Variants in UTS2B observed in about 807,000 individuals in gnomAD.
UTS2B encodes urotensin-2B.
UTS2B carries 21 observed loss-of-function variants against 19.2 expected under a neutral mutation model. The ratio of observed to expected loss-of-function variants is 1.09; its 90% confidence interval spans 0.78 to 1.58. The LOEUF (loss-of-function observed/expected upper bound fraction) is 1.58. UTS2B is among the 40% of genes most tolerant of loss of function. The pLI, the probability that UTS2B is intolerant of heterozygous loss-of-function variation, is 0.00. For synonymous variants in UTS2B, 57 were observed against 50.2 expected (o/e 1.14, Z -0.58); for missense variants, 138 against 130.3 (o/e 1.06, Z -0.29).
chr3:191,298,204 C>A (rs1406507674), intron 4 of UTS2B, among the ~76,000 whole-genome samples: 5 of 151,694 alleles, frequency 3.3e-5, no homozygotes, highest in African/African-American at 2.4e-5. Context: ...CCCACAATAA[C>A]CTTGTGAAAA....
rs1419854293 is a variant in UTS2B at position 191,292,864 on chromosome 3, T to C, written c.-124-10551A>G. 2.6e-5 allele frequency among the ~76,000 whole-genome samples: 4 copies of C among 152,278 alleles called. No homozygotes were observed. In the East Asian group the frequency reaches 7.7e-4, roughly 29 times the overall value. ...TTTGTTGAGTGTTTTTATTATGAAATGCTATTACATTTTGTCAAATGCCTT... is the reference window on the plus strand; with the variant it reads ...TTTGTTGAGTGTTTTTATTATGAAACGCTATTACATTTTGTCAAATGCCTT... On this transcript the variant is annotated intron_variant, in intron 4 of 8. Transcript: ENST00000340524.
the UTS2B span, among the ~76,000 whole-genome samples, chr3:191,343,576 A>C: frequency 6.6e-6 from 1 of 152,236 alleles, no homozygotes; most frequent in African/African-American, 2.4e-5. Context: ...TATGATTTTA[A>C]GAGTAATTAG....
upstream of UTS2B, among the ~76,000 whole-genome samples, chr3:191,332,630 G>A (rs926786917): frequency 6.6e-6 from 1 of 152,196 alleles, no homozygotes; most frequent in African/African-American, 2.4e-5. Context: ...GAACAGGCAT[G>A]TTTCAACAAT....
chr3:191,332,819 A>G (rs1014443542), upstream of UTS2B, among the ~76,000 whole-genome samples: 1 of 152,220 alleles, frequency 6.6e-6, no homozygotes, highest in Non-Finnish European at 1.5e-5. Context: ...CTGTATCGGT[A>G]AATGAATTGT....
chr3:191,342,835 T>G, the UTS2B span, among the ~76,000 whole-genome samples: 1 of 152,240 alleles, frequency 6.6e-6, no homozygotes, highest in Non-Finnish European at 1.5e-5. Context: ...AAAAATTGTC[T>G]ACTACTGCTT....
At chr3:191,316,753 T>C (rs926183071) in intron 2 of UTS2B, among the ~76,000 whole-genome samples, 1 of 152,182 alleles carries the variant, frequency 6.6e-6, no homozygotes, top group Non-Finnish European at 1.5e-5. Flanking sequence ...CACTGATCGG[T>C]GCTTTTACAA....
intron 2 of UTS2B, among the ~76,000 whole-genome samples, chr3:191,321,232 A>G (rs1188218924): frequency 6.6e-6 from 1 of 152,186 alleles, no homozygotes; most frequent in Non-Finnish European, 1.5e-5. Flanking sequence ...TTTTATGTAC[A>G]GTACAGTGGC....
intron 5 of UTS2B, 35 bp downstream of exon 5, chr3:191,282,052 C>T (rs879843838): frequency 2.8e-6 from 4 of 1,417,092 alleles, no homozygotes; most frequent in South Asian, 2.4e-5. Context: ...GAATTACTTA[C>T]CCACCTGTAG....
chr3:191,318,826 T>C (rs1269660824), intron 2 of UTS2B, among the ~76,000 whole-genome samples: 1 of 152,198 alleles, frequency 6.6e-6, no homozygotes, highest in Non-Finnish European at 1.5e-5. Context: ...GTTTTTGTTT[T>C]TGTTTTTTGT....
At chr3:191,312,145 C>G (rs1439680992) in intron 3 of UTS2B, among the ~76,000 whole-genome samples, 1 of 144,892 alleles carries the variant, frequency 6.9e-6, no homozygotes, top group Non-Finnish European at 1.5e-5. Flanking sequence ...GAGCAAGATT[C>G]TGTCTCAAAA....
the UTS2B span, among the ~76,000 whole-genome samples, chr3:191,340,750 G>A: frequency 6.6e-6 from 1 of 152,188 alleles, no homozygotes; most frequent in Non-Finnish European, 1.5e-5. Flanking sequence ...CCCTCAGGCG[G>A]ACATATGAGG....
Position 191,267,318 on chromosome 3 carries a change from A to G in UTS2B, c.*1098T>C, listed in dbSNP as rs540004353. 12 of 152,382 alleles carry G rather than the reference A, an allele frequency of 7.9e-5. No individual in the cohort carries two copies. The highest frequency in any genetic ancestry group is 2.6e-4 in the African/African-American group (11 of 41,592). The allele number at this position is 152,382 out of a possible 1,614,324, so 9.4% of individuals were successfully genotyped here. A position where few individuals can be genotyped will look rare whatever the true frequency, so the allele number is the denominator to read the frequency against. On this transcript the variant is annotated 3_prime_UTR_variant, in exon 9 of 9. Coordinates refer to ENST00000340524, the MANE Select transcript of UTS2B (RefSeq NM_198152.5). ...ACCATTTTGATAGTGACATACCTTC[A>G]AAAGTGCAACTGATTAGTGATTATT... is the stretch of plus-strand genomic sequence containing the variant.
chr3:191,330,994 G>C (rs1206311626), upstream of UTS2B, among the ~76,000 whole-genome samples: 1 of 152,158 alleles, frequency 6.6e-6, no homozygotes, highest in Non-Finnish European at 1.5e-5. Flanking sequence ...TGAAGACTTA[G>C]GGCTTTCACC....
At chr3:191,328,301 T>C (rs1285529888) in intron 2 of UTS2B, 3 of 152,256 alleles carry the variant, frequency 2.0e-5, no homozygotes, top group Non-Finnish European at 4.4e-5. Flanking sequence ...TTGCGGGTTG[T>C]AGATCCCAGA....
At position 191,308,126 on chromosome 3, in the gene UTS2B, G is replaced by A. The variant is rs116347493; in HGVS notation, c.-181-3578C>T. On this transcript the variant is annotated intron_variant, in intron 3 of 8. Coordinates refer to ENST00000340524, the MANE Select transcript of UTS2B (RefSeq NM_198152.5). The stretch of plus-strand genomic sequence containing the variant: ...TGGGATTACAGGCATCAGCCACCAC[G>A]ATGTAGGGACTTTTTCCTTTCTGTT... Among the ~76,000 whole-genome samples, 1,458 of 152,268 alleles carry A rather than the reference G, an allele frequency of 9.6e-3. 28 individuals are homozygous for A. Among genetic ancestry groups the A allele is most frequent in the African/African-American group, 0.033 (1,353 of 41,556 alleles).
At chr3:191,313,465 G>A (rs1435187992) in intron 3 of UTS2B, among the ~76,000 whole-genome samples, 1 of 152,108 alleles carries the variant, frequency 6.6e-6, no homozygotes, top group African/African-American at 2.4e-5. Flanking sequence ...AATGATACCT[G>A]CAAGAACACA....
At chr3:191,314,450 T>G (rs1158651085) in intron 3 of UTS2B, among the ~76,000 whole-genome samples, 1 of 152,174 alleles carries the variant, frequency 6.6e-6, no homozygotes, top group African/African-American at 2.4e-5. Context: ...GGCAAGAGTA[T>G]GAGAGGCTAA....
chr3:191,295,350 A>G (rs1297927752), intron 4 of UTS2B, among the ~76,000 whole-genome samples: 1 of 151,908 alleles, frequency 6.6e-6, no homozygotes, highest in Non-Finnish European at 1.5e-5. Context: ...CAGTGTCTCC[A>G]TTGCTGACAA....
chr3:191,311,995 A>AC (rs1275280490), intron 3 of UTS2B, among the ~76,000 whole-genome samples: 1 of 90,036 alleles, frequency 1.1e-5, no homozygotes, highest in Non-Finnish European at 2.6e-5. Flanking sequence ...AAAAAAAAAG[A>AC]AAAAAAATTA....
Sources: allele counts gnomAD v4.1 joint callset (sites outside exome capture counted in the v4.1 genomes callset), GRCh38; gene constraint gnomAD v4.1.1; transcripts MANE v1.5; gene names NCBI Gene and HGNC (gene_info 2026-07-23, HGNC 2026-07-21).